The following PITPNC1 variants were observed in gnomAD, a reference collection of about 807,000 sequenced individuals.
PITPNC1 encodes cytoplasmic phosphatidylinositol transfer protein 1.
In PITPNC1, 18 loss-of-function variants were observed where a neutral mutation model predicts 44.7. The observed-to-expected ratio is 0.40, with a 90% CI of 0.28 to 0.60. The LOEUF is 0.60. Among genes scored for constraint, PITPNC1 ranks in the 20% least tolerant of loss-of-function variants. PITPNC1 has a pLI of 0.39. For missense variants in PITPNC1, 290 were observed against 418.4 expected (o/e 0.69, Z 2.68); for synonymous variants, 141 against 149.6 (o/e 0.94, Z 0.42).
intron 1 of PITPNC1, among the ~76,000 whole-genome samples, chr17:67,470,613 G>T (rs146395496): frequency 6.6e-6 from 1 of 151,926 alleles, no homozygotes; most frequent in Non-Finnish European, 1.5e-5. Flanking sequence ...CAGCCGCCCC[G>T]TCCGGGAGGT....
At chr17:67,634,834 C>T (rs2042014854) in intron 6 of PITPNC1, among the ~76,000 whole-genome samples, 1 of 152,186 alleles carries the variant, frequency 6.6e-6, no homozygotes, top group Non-Finnish European at 1.5e-5. Flanking sequence ...AGGCAGATCA[C>T]CTGAGGTCAG....
chr17:67,596,243 G>C (rs911784078), intron 5 of PITPNC1, among the ~76,000 whole-genome samples: 3 of 152,162 alleles, frequency 2.0e-5, no homozygotes, highest in African/African-American at 7.2e-5. Flanking sequence ...TATGGGTGAA[G>C]CTTTGTTTTC....
intron 6 of PITPNC1, chr17:67,637,856 G>A (rs1202711684): frequency 6.9e-6 from 1 of 145,878 alleles, no homozygotes; most frequent in Non-Finnish European, 1.5e-5. Flanking sequence ...GCAGGGCAGT[G>A]CCGTATTGTG....
At chr17:67,605,003 C>T (rs540560126) in intron 5 of PITPNC1, among the ~76,000 whole-genome samples, 4 of 152,118 alleles carry the variant, frequency 2.6e-5, no homozygotes, top group Admixed American at 2.6e-4. Context: ...CGTTTGAAAC[C>T]GGGAAGCAGA....
At chr17:67,628,348 G>T (rs976136423) in intron 5 of PITPNC1, among the ~76,000 whole-genome samples, 10 of 152,112 alleles carry the variant, frequency 6.6e-5, no homozygotes, top group Non-Finnish European at 2.9e-5. Context: ...GCAGCACTTT[G>T]TATGCAATGG....
At chr17:67,683,162 CAAAAAAAAAAA>C (rs901577194) in intron 8 of PITPNC1, among the ~76,000 whole-genome samples, 4 of 41,528 alleles carry the variant, frequency 9.6e-5, no homozygotes, top group Admixed American at 2.6e-4. Context: ...AACTGAGTCT[CAAAAAAAAAAA>C]AAAAAAAAAA....
At chr17:67,378,979 G>C (rs566955530) in intron 1 of PITPNC1, 2 of 985,246 alleles carry the variant, frequency 2.0e-6, no homozygotes, top group African/African-American at 1.7e-5. Context: ...CTCCAAGCGC[G>C]GCTCTGCTGT....
At chr17:67,387,241 G>C (rs764035834) in intron 1 of PITPNC1, among the ~76,000 whole-genome samples, 1 of 152,158 alleles carries the variant, frequency 6.6e-6, no homozygotes, top group East Asian at 1.9e-4. Flanking sequence ...GCCCTTTCAT[G>C]CTCCCAGCCC....
At chr17:67,573,878 T>G (rs2041098147) in intron 4 of PITPNC1, among the ~76,000 whole-genome samples, 1 of 152,156 alleles carries the variant, frequency 6.6e-6, no homozygotes, top group Non-Finnish European at 1.5e-5. Flanking sequence ...ACTCTTTTAA[T>G]AAGTTTTTTT....
At chr17:67,492,154 T>G (rs1290051207) in intron 1 of PITPNC1, among the ~76,000 whole-genome samples, 1 of 152,066 alleles carries the variant, frequency 6.6e-6, no homozygotes, top group Non-Finnish European at 1.5e-5. Context: ...CTGGGTAAAA[T>G]CTGACACCCA....
intron 1 of PITPNC1, among the ~76,000 whole-genome samples, chr17:67,441,944 G>T (rs1287716411): frequency 6.6e-6 from 1 of 151,886 alleles, no homozygotes; most frequent in African/African-American, 2.4e-5. Flanking sequence ...ATAGGAGAAT[G>T]GGATTGTAAC....
intron 6 of PITPNC1, among the ~76,000 whole-genome samples, chr17:67,635,072 C>T (rs542085412): frequency 4.6e-5 from 7 of 151,974 alleles, no homozygotes; most frequent in Middle Eastern, 3.4e-3. Context: ...AACAGAGACT[C>T]GGTCTCAAAA....
At chr17:67,672,284 A>T (rs1317106780) in intron 7 of PITPNC1, among the ~76,000 whole-genome samples, 1 of 152,050 alleles carries the variant, frequency 6.6e-6, no homozygotes, top group South Asian at 2.1e-4. Flanking sequence ...CAGAGTTGTC[A>T]GTTAAAAAGA....
At chr17:67,415,916 A>G (rs2038580242) in intron 1 of PITPNC1, among the ~76,000 whole-genome samples, 1 of 152,204 alleles carries the variant, frequency 6.6e-6, no homozygotes, top group Non-Finnish European at 1.5e-5. Flanking sequence ...TACCTAAAAA[A>G]AAAAAAATCC....
chr17:67,633,766 A>G lies in PITPNC1; in HGVS notation c.462+1528A>G, dbSNP rs536302534. On this transcript the variant is annotated intron_variant, in intron 6 of 8. Transcript: ENST00000581322. ...ATGGGGCTCTGATGATGCGCAGAGC[A>G]TTGTGCAAAGCACTCCTGTGACGCC... 2.2e-3 allele frequency among the ~76,000 whole-genome samples: 336 copies of G among 152,362 alleles called. 2 individuals carry two copies. Among genetic ancestry groups the G allele is most frequent in the Non-Finnish European group, 3.2e-3 (215 of 68,026 alleles).
chr17:67,519,208 GCT>G (rs2040296467), intron 1 of PITPNC1, among the ~76,000 whole-genome samples: 1 of 100,112 alleles, frequency 1.0e-5, no homozygotes, highest in African/African-American at 4.1e-5. Context: ...ATGATGTCTT[GCT>G]CTGTTTCCCA....
chr17:67,415,189 A>G (rs1014543644), intron 1 of PITPNC1, among the ~76,000 whole-genome samples: 1 of 152,248 alleles, frequency 6.6e-6, no homozygotes, highest in South Asian at 2.1e-4. Flanking sequence ...CTCTTTGCAC[A>G]TTCTCTTGAT....
At chr17:67,383,683 C>T (rs751841449) in intron 1 of PITPNC1, among the ~76,000 whole-genome samples, 5 of 152,210 alleles carry the variant, frequency 3.3e-5, no homozygotes, top group Non-Finnish European at 5.9e-5. Flanking sequence ...TCAAGAGACG[C>T]TAAGCACATC....
intron 6 of PITPNC1, 120 bp from the exon 7 acceptor site, chr17:67,669,388 T>G (rs1246493479): frequency 5.7e-6 from 4 of 703,684 alleles, no homozygotes; most frequent in Non-Finnish European, 9.1e-6. Context: ...AGTGCTGGGA[T>G]TACAGGCGTG....
Sources: allele counts gnomAD v4.1 joint callset (sites outside exome capture counted in the v4.1 genomes callset), GRCh38; gene constraint gnomAD v4.1.1; transcripts MANE v1.5; gene names NCBI Gene and HGNC (gene_info 2026-07-23, HGNC 2026-07-21).